Variants in TTL observed in about 807,000 individuals in gnomAD.
TTL encodes tubulin tyrosine ligase.
Under a neutral mutation model 41.1 loss-of-function variants are expected in TTL, and 10 were observed. The ratio of observed to expected loss-of-function variants is 0.24; its 90% CI spans 0.15 to 0.41. The LOEUF (loss-of-function observed/expected upper bound fraction) is 0.41. Among genes scored for constraint, TTL ranks in the 10% least tolerant of loss-of-function variants. The pLI is 1.00. For synonymous variants in TTL, 175 were observed against 175.5 expected, an observed-to-expected ratio of 1.00 and a Z score of 0.02; for missense variants, 367 against 460.4, an observed-to-expected ratio of 0.80 and a Z score of 1.86.
At chr2:112,492,915 A>T (rs1489898690) in intron 2 of TTL, among the ~76,000 whole-genome samples, 1 of 152,138 alleles carries the variant, frequency 6.6e-6, no homozygotes, top group Non-Finnish European at 1.5e-5. Context: ...AAAATAAAAT[A>T]AAAAATTAAA....
At chr2:112,495,314 G>A (rs1389041640) in intron 3 of TTL, among the ~76,000 whole-genome samples, 1 of 151,960 alleles carries the variant, frequency 6.6e-6, no homozygotes, top group East Asian at 1.9e-4. Context: ...CCTTTTCCTG[G>A]CACTATACTA....
intron 6 of TTL, among the ~76,000 whole-genome samples, chr2:112,525,951 G>GA (rs1168232377): frequency 5.9e-5 from 9 of 152,118 alleles, no homozygotes; most frequent in African/African-American, 2.2e-4. Context: ...ATTATTTTGA[G>GA]ATATGTCCCA....
intron 5 of TTL, among the ~76,000 whole-genome samples, chr2:112,512,596 C>T (rs2104466308): frequency 6.6e-6 from 1 of 151,958 alleles, no homozygotes; most frequent in East Asian, 1.9e-4. Context: ...GAGGTTTCTC[C>T]ATGTTGGTCA....
At position 112,540,644 on chromosome 2, in the gene TTL, C is replaced by A. The variant is rs1235179471; in HGVS notation, c.*11849C>A. 1 of 152,070 alleles carries A rather than the reference C, an allele frequency of 6.6e-6. No individual in the cohort carries two copies. Among genetic ancestry groups the A allele is most frequent in the Non-Finnish European group, 1.5e-5 (1 of 68,010 alleles). 9.4% of individuals were successfully genotyped at this position (152,070 alleles called of 1,614,324 possible). On this transcript the variant is annotated 3_prime_UTR_variant, in exon 7 of 7. Transcript: ENST00000233336. ...GATAAATGTAGATAGACATACAGATCAAGAGAATAGAACTGAGAGTCAAAA... is the reference window on the plus strand; with the variant it reads ...GATAAATGTAGATAGACATACAGATAAAGAGAATAGAACTGAGAGTCAAAA...
chr2:112,489,044 G>A (rs1156457053), intron 2 of TTL, among the ~76,000 whole-genome samples: 4 of 152,144 alleles, frequency 2.6e-5, no homozygotes, highest in African/African-American at 9.7e-5. Flanking sequence ...CTGAGATCAT[G>A]CCATTGCACT....
At chr2:112,518,142 T>C (rs149505009) in intron 5 of TTL, among the ~76,000 whole-genome samples, 4,432 of 150,974 alleles carry the variant, frequency 0.029, 243 homozygotes, top group African/African-American at 0.1. Flanking sequence ...CTAATTTTTT[T>C]TTTTTTTTTT....
At chr2:112,516,785 C>T (rs1471160684) in intron 5 of TTL, among the ~76,000 whole-genome samples, 3 of 152,176 alleles carry the variant, frequency 2.0e-5, no homozygotes, top group African/African-American at 7.2e-5. Flanking sequence ...GTCACAATGA[C>T]TGAGACTTTT....
chr2:112,515,948 G>GAATAAATAAATA lies in TTL; in HGVS notation c.876-4294_876-4283dup, dbSNP rs59842188. On this transcript the variant is annotated intron_variant, in intron 5 of 6. Coordinates refer to ENST00000233336, the MANE Select transcript of TTL (RefSeq NM_153712.5). ...GGCGACACAGCGAGACTCCATCTCAGAATAAATAAATAAATAAATAAATAA... is the reference window on the plus strand; with the variant it reads ...GGCGACACAGCGAGACTCCATCTCAGAATAAATAAATAAATAAATAAATAAATAAATAAATAA... Among the ~76,000 whole-genome samples the GAATAAATAAATA allele has an allele frequency of 1.9e-3, 276 of 145,638 alleles. 1 individual carries two copies. The highest frequency in any genetic ancestry group is 6.3e-3 in the African/African-American group (247 of 39,120).
chr2:112,503,480 C>T (rs187506890), intron 5 of TTL, among the ~76,000 whole-genome samples: 62 of 148,722 alleles, frequency 4.2e-4, no homozygotes, highest in African/African-American at 1.5e-3. Context: ...GTTGCCCAGG[C>T]TGGAGTGCAA....
At chr2:112,501,380 C>T (rs775002334) in intron 4 of TTL, 39 bp downstream of exon 4, 1 of 1,501,858 alleles carries the variant, frequency 6.7e-7, no homozygotes, top group Non-Finnish European at 9.1e-7. Flanking sequence ...TTTTATTCAT[C>T]TGAAAAAACT....
chr2:112,532,725 T>G lies in TTL; in HGVS notation c.*3930T>G, dbSNP rs927924126. The G allele has an allele frequency of 1.1e-5, 2 of 176,298 alleles. No homozygotes were observed. The highest frequency in any genetic ancestry group is 2.4e-5 in the Non-Finnish European group (2 of 81,952). 10.9% of individuals were successfully genotyped at this position (176,298 alleles called of 1,614,324 possible). ...TAAATCTGCTAGGCTTTGCAAACCA[T>G]GTAGGGCCTTTTTTGCATACTTTTT... On this transcript the variant is annotated 3_prime_UTR_variant, in exon 7 of 7. Coordinates refer to ENST00000233336, the MANE Select transcript of TTL (RefSeq NM_153712.5).
rs762546425 is a variant in TTL, at chr2:112,482,297, T to A, written c.-48T>A. ...GCGCTGAGCCGCCTTCTCGGCCGCC[T>A]GGTCCCTGCGGCGGCTGCCCGGCGG... On this transcript the variant is annotated 5_prime_UTR_variant, in exon 1 of 7. Transcript: ENST00000233336. This position sits in a 1 kb window ranked among gnomAD's most constrained non-coding sequence, Gnocchi z 5.3. 130 of 1,361,870 alleles carry A rather than the reference T, an allele frequency of 9.5e-5. 1 individual carries two copies. The African/African-American group carries it at 1.7e-3, about 17-fold the overall frequency. The allele number at this position is 1,361,870 out of a possible 1,614,324, so 84.4% of individuals were successfully genotyped here.
At chr2:112,519,218 T>C (rs1206796888) in intron 5 of TTL, among the ~76,000 whole-genome samples, 2 of 152,214 alleles carry the variant, frequency 1.3e-5, no homozygotes, top group Admixed American at 6.5e-5. Flanking sequence ...TAAGGAAATA[T>C]GATGAAAAAT....
rs955009468 is a variant in TTL at position 112,532,903 on chromosome 2, C to T, written c.*4108C>T. 3.3e-5 allele frequency: 5 copies of T among 152,364 alleles called. No homozygotes were observed. Among genetic ancestry groups the T allele is most frequent in the African/African-American group, 1.2e-4 (5 of 41,576 alleles). 9.4% of individuals were successfully genotyped at this position (152,364 alleles called of 1,614,324 possible). On this transcript the variant is annotated 3_prime_UTR_variant, in exon 7 of 7. Transcript: ENST00000233336. ...CAGTGAAGCACTGAGACTATTTCAG[C>T]TGCCAAAGTCCCAGCCCATCGTTTC...
rs888968260 is a variant in TTL at position 112,531,631 on chromosome 2, G to T, written c.*2836G>T. 3 of 226,868 alleles carry T rather than the reference G, an allele frequency of 1.3e-5. No homozygotes were observed. Among genetic ancestry groups the T allele is most frequent in the African/African-American group, 2.2e-5 (1 of 44,926 alleles). 14.1% of individuals were successfully genotyped at this position (226,868 alleles called of 1,614,324 possible). ...CCTTGAGATGCCTTGAACCATGCTT[G>T]AGAAGGAAGGACAAACACATTATTA... is the stretch of plus-strand genomic sequence containing the variant. On this transcript the variant is annotated 3_prime_UTR_variant, in exon 7 of 7. Transcript: ENST00000233336.
intron 3 of TTL, among the ~76,000 whole-genome samples, chr2:112,500,432 A>G (rs868538399): frequency 6.6e-5 from 10 of 152,078 alleles, no homozygotes; most frequent in African/African-American, 2.4e-4. Flanking sequence ...TTAGCCAGGC[A>G]TGGTGGTGCA....
rs778614090 is a variant in TTL at position 112,501,306 on chromosome 2, G to A, written c.570G>A (p.Leu190=). Residue 190 remains leucine, a synonymous_variant, in exon 4 of 7, where the codon CTG becomes CTA. Coordinates refer to ENST00000233336, the MANE Select transcript of TTL (RefSeq NM_153712.5). ...HVIQKYLEHP[L]LLEPGHRKFD... ...TCCAGAAATATCTTGAGCACCCTCTGCTGCTTGAGCCAGGTCATCGCAAGT... is the reference window on the plus strand; with the variant it reads ...TCCAGAAATATCTTGAGCACCCTCTACTGCTTGAGCCAGGTCATCGCAAGT... 3.7e-6 allele frequency: 6 copies of A among 1,612,564 alleles called. No individual in the cohort carries two copies. The Admixed American group carries it at 1.0e-4, about 27-fold the overall frequency.
chr2:112,492,331 A>G (rs544086363), intron 2 of TTL, among the ~76,000 whole-genome samples: 1 of 152,346 alleles, frequency 6.6e-6, no homozygotes, highest in Middle Eastern at 3.4e-3. Context: ...CATGCCTGTA[A>G]TCCAGCACTT....
intron 3 of TTL, among the ~76,000 whole-genome samples, chr2:112,496,246 G>A (rs941789806): frequency 2.0e-5 from 3 of 152,200 alleles, no homozygotes; most frequent in African/African-American, 7.2e-5. Context: ...GCAGGGGGAA[G>A]TCAAGAGAGA....
Sources: gnomAD v4.1 joint callset for allele counts (sites outside exome capture counted in the v4.1 genomes callset) on GRCh38, gnomAD v4.1.1 for gene constraint, Gnocchi (gnomAD v3.1) non-coding constraint, MANE v1.5 for transcripts, NCBI Gene and HGNC (gene_info 2026-07-23, HGNC 2026-07-21) for gene names.